Variants in DCT observed in about 807,000 individuals in gnomAD.
The protein encoded by DCT is L-dopachrome tautomerase.
Under a neutral mutation model 53.0 loss-of-function variants are expected in DCT, and 47 were observed. The ratio of observed to expected loss-of-function variants is 0.89; its 90% CI spans 0.70 to 1.13. The LOEUF is 1.13. Ranked by LOEUF, DCT falls within the 50% of genes most tolerant of loss-of-function variation. The pLI, the probability that DCT is intolerant of heterozygous loss-of-function variation, is 0.00. For missense variants in DCT, 669 were observed against 637.4 expected, an observed-to-expected ratio of 1.05 and a Z score of -0.53; for synonymous variants, 244 against 237.0, an observed-to-expected ratio of 1.03 and a Z score of -0.27.
the DCT span, among the ~76,000 whole-genome samples, chr13:94,506,503 AAAAT>A: frequency 6.6e-6 from 1 of 152,252 alleles, no homozygotes; most frequent in Non-Finnish European, 1.5e-5. Context: ...CCCATAGAAT[AAAAT>A]AAATAATTAT....
the DCT span, among the ~76,000 whole-genome samples, chr13:94,522,633 G>A: frequency 6.6e-6 from 1 of 152,158 alleles, no homozygotes; most frequent in African/African-American, 2.4e-5. Context: ...AAAAAAGTGA[G>A]ACGTAGTCCC....
At chr13:94,454,467 T>C (rs1883285361) in intron 6 of DCT, among the ~76,000 whole-genome samples, 2 of 152,194 alleles carry the variant, frequency 1.3e-5, no homozygotes, top group Admixed American at 1.3e-4. Context: ...AAATTTAATA[T>C]TGAAGACAGC....
At chr13:94,530,965 C>G in the DCT span, among the ~76,000 whole-genome samples, 1 of 152,078 alleles carries the variant, frequency 6.6e-6, no homozygotes, top group Admixed American at 6.6e-5. Context: ...AATCAATGTG[C>G]AAAAATCACA....
chr13:94,518,528 C>G, the DCT span, among the ~76,000 whole-genome samples: 2 of 152,184 alleles, frequency 1.3e-5, no homozygotes, highest in Non-Finnish European at 2.9e-5. Flanking sequence ...TCTCTCATCC[C>G]CTTGATGAAT....
At chr13:94,462,287 C>T in intron 4 of DCT, 98 bp from the exon 5 acceptor site, 1 of 878,974 alleles carries the variant, frequency 1.1e-6, no homozygotes, top group Non-Finnish European at 1.8e-6. Flanking sequence ...GCAGGTGGAT[C>T]CCTTGAGGCC....
At chr13:94,509,467 G>A in the DCT span, among the ~76,000 whole-genome samples, 1 of 150,558 alleles carries the variant, frequency 6.6e-6, no homozygotes, top group Non-Finnish European at 1.5e-5. Flanking sequence ...GACACATTCT[G>A]GCCAGTAAAA....
At chr13:94,480,185 AT>A (rs953003181), upstream of DCT, among the ~76,000 whole-genome samples, 69 of 151,888 alleles carry the variant, frequency 4.5e-4, no homozygotes, top group African/African-American at 1.4e-3. Flanking sequence ...CTACGCAGCA[AT>A]TTTTTTTTAA....
chr13:94,498,805 G>A, the DCT span, among the ~76,000 whole-genome samples: 1 of 152,216 alleles, frequency 6.6e-6, no homozygotes, highest in African/African-American at 2.4e-5. Context: ...GATTGTAAAT[G>A]TATCAATCAG....
chr13:94,485,308 T>C, the DCT span, among the ~76,000 whole-genome samples: 1 of 152,166 alleles, frequency 6.6e-6, no homozygotes, highest in Non-Finnish European at 1.5e-5. Flanking sequence ...CTTGGAGGGC[T>C]CTGTGAGAGA....
chr13:94,445,944 T>G (rs116146288), intron 6 of DCT, among the ~76,000 whole-genome samples: 1,707 of 152,210 alleles, frequency 0.011, 34 homozygotes, highest in African/African-American at 0.039. Flanking sequence ...GGGCTAGAGA[T>G]GCCACCCCCT....
rs199940803 is a variant in DCT at position 94,468,785 on chromosome 13, C to T, written c.556G>A (p.Val186Met). 3.1e-6 allele frequency: 5 copies of T among 1,614,144 alleles called. No individual in the cohort carries two copies. The highest frequency in any genetic ancestry group is 4.2e-6 in the Non-Finnish European group (5 of 1,180,032). Residue 186 changes from valine (V) to methionine (M), a missense_variant, in exon 2 of 8, where the codon GTG becomes ATG. Physicochemically the swap from Val to Met is conservative, Grantham distance 21. Transcript: ENST00000377028. ...FANCSVYDFF[V>M]WLHYYSVRDT... ...CTAACAGAATAATAATGGAGCCACA[C>T]AAAAAAATCATAAACACTGCAGTTG...
chr13:94,441,131 G>T (rs1882280059), intron 7 of DCT, among the ~76,000 whole-genome samples: 1 of 151,446 alleles, frequency 6.6e-6, no homozygotes, highest in East Asian at 1.9e-4. Flanking sequence ...TCCTTTTTCT[G>T]CAATCCCATG....
chr13:94,549,250 T>C, the DCT span, among the ~76,000 whole-genome samples: 19 of 152,252 alleles, frequency 1.2e-4, no homozygotes, highest in African/African-American at 4.3e-4. Context: ...AGGAATGCGA[T>C]GAAATTGGGA....
At chr13:94,510,044 T>C in the DCT span, among the ~76,000 whole-genome samples, 2 of 152,146 alleles carry the variant, frequency 1.3e-5, no homozygotes, top group African/African-American at 4.8e-5. Flanking sequence ...GGCAGCATCC[T>C]CCTTGAAACT....
intron 7 of DCT, 90 bp downstream of exon 7, chr13:94,443,346 G>T: frequency 9.4e-7 from 1 of 1,059,620 alleles, no homozygotes; most frequent in Non-Finnish European, 1.4e-6. Context: ...TCGGCTAAAG[G>T]TCTTGGTTTA....
intron 1 of DCT, among the ~76,000 whole-genome samples, chr13:94,469,768 A>G (rs191240699): frequency 6.6e-6 from 1 of 152,310 alleles, no homozygotes; most frequent in Admixed American, 6.5e-5. Flanking sequence ...ACAGCAAGCT[A>G]AAGATGAAAC....
chr13:94,528,894 C>A, the DCT span, among the ~76,000 whole-genome samples: 7 of 150,604 alleles, frequency 4.6e-5, no homozygotes, highest in Admixed American at 4.6e-4. Flanking sequence ...TTCAGGAGAC[C>A]CATCTCATGT....
chr13:94,453,465 A>AT (rs760633510), intron 6 of DCT, among the ~76,000 whole-genome samples: 7 of 152,300 alleles, frequency 4.6e-5, no homozygotes, highest in South Asian at 2.1e-4. Flanking sequence ...ATGTTATTTT[A>AT]TTTTTTTACA....
At chr13:94,440,750 G>A (rs989075193) in intron 7 of DCT, among the ~76,000 whole-genome samples, 2 of 135,382 alleles carry the variant, frequency 1.5e-5, no homozygotes, top group Middle Eastern at 4.7e-3. Context: ...GCATGATCTC[G>A]GCTCACTGCA....
Sources: gnomAD v4.1 joint callset for allele counts (sites outside exome capture counted in the v4.1 genomes callset) on GRCh38, gnomAD v4.1.1 for gene constraint, MANE v1.5 for transcripts, NCBI Gene and HGNC (gene_info 2026-07-23, HGNC 2026-07-21) for gene names.